Variants in SMCO2 observed in about 807,000 individuals in gnomAD.
SMCO2 encodes the protein single-pass membrane protein with coiled-coil domains 2, also known as single-pass membrane and coiled-coil domain-containing protein 2.
SMCO2 carries 25 observed loss-of-function variants against 29.5 expected under a neutral mutation model. That is an observed-to-expected ratio of 0.85 (90% CI 0.62 to 1.18). The LOEUF (loss-of-function observed/expected upper bound fraction) is 1.18. Ranked by LOEUF, SMCO2 falls within the 50% of genes most tolerant of loss-of-function variation. The probability of loss-of-function intolerance (pLI) is 0.00; values close to 1 mark genes in which losing one functional copy is unlikely to be tolerated. For synonymous variants in SMCO2, 117 were observed against 123.3 expected (o/e 0.95, Z 0.34); for missense variants, 348 against 344.5 (o/e 1.01, Z -0.08).
chr12:27,501,849 G>T lies in SMCO2; in HGVS notation c.684-74G>T, dbSNP rs1943082339. 6.0e-6 allele frequency: 7 copies of T among 1,166,378 alleles called. 1 individual carries two copies. In the East Asian group the frequency reaches 1.9e-4, roughly 32 times the overall value. 72.3% of individuals were successfully genotyped at this position (1,166,378 alleles called of 1,614,324 possible). A position where few individuals can be genotyped will look rare whatever the true frequency, so the allele number is the denominator to read the frequency against. On this transcript the variant is annotated intron_variant, in intron 7 of 7. Coordinates refer to ENST00000298876, the Ensembl canonical transcript of SMCO2. ...TAGTTGAAGTTTTAGAGCTACCTGG[G>T]TGGAGGTGCCAGGAGCCTATCAATG... is the stretch of plus-strand genomic sequence containing the variant.
chr12:27,496,343 T>C (rs906267680), intron 7 of SMCO2, among the ~76,000 whole-genome samples: 1 of 150,584 alleles, frequency 6.6e-6, no homozygotes, highest in Non-Finnish European at 1.5e-5. Flanking sequence ...TAAAGATTTG[T>C]CTATGTATAG....
chr12:27,471,447 A>G (rs1463498552), intron 2 of SMCO2, among the ~76,000 whole-genome samples: 1 of 152,086 alleles, frequency 6.6e-6, no homozygotes, highest in Non-Finnish European at 1.5e-5. Context: ...AACCCTGACA[A>G]CACCTCCACC....
At chr12:27,462,510 G>A (rs558085598), upstream of SMCO2, among the ~76,000 whole-genome samples, 118 of 152,288 alleles carry the variant, frequency 7.7e-4, no homozygotes, top group African/African-American at 2.6e-3. Context: ...CCTCCAGACA[G>A]TCATTTCTCT....
At chr12:27,442,822 A>G in the SMCO2 span, among the ~76,000 whole-genome samples, 95 of 152,246 alleles carry the variant, frequency 6.2e-4, no homozygotes, top group Non-Finnish European at 3.2e-4. Flanking sequence ...AGGTCTCACT[A>G]TGTTGCCCAG....
chr12:27,431,751 T>G, the SMCO2 span, among the ~76,000 whole-genome samples: 1 of 152,230 alleles, frequency 6.6e-6, no homozygotes, highest in Non-Finnish European at 1.5e-5. Flanking sequence ...TTCAATTCTT[T>G]GGACATATAC....
At position 27,494,422 on chromosome 12, in the gene SMCO2, T is replaced by A. The variant is rs1942970896; in HGVS notation, c.507+66T>A. 3 of 1,112,364 alleles carry A rather than the reference T, an allele frequency of 2.7e-6. No homozygotes were observed. In the African/African-American group the frequency reaches 4.9e-5, roughly 18 times the overall value. 68.9% of individuals were successfully genotyped at this position (1,112,364 alleles called of 1,614,324 possible). On this transcript the variant is annotated intron_variant, in intron 6 of 7. Coordinates refer to ENST00000298876, the Ensembl canonical transcript of SMCO2. ...GATAATTTATGTCTAAATACAGGGG[T>A]CATTCATTGCCTAGAATATGACGGT... is the stretch of plus-strand genomic sequence containing the variant.
At chr12:27,499,941 G>A (rs907778454) in intron 7 of SMCO2, among the ~76,000 whole-genome samples, 5 of 150,234 alleles carry the variant, frequency 3.3e-5, no homozygotes, top group African/African-American at 1.2e-4. Flanking sequence ...CATCCCCTAT[G>A]TACTGACCAT....
intron 5 of SMCO2, among the ~76,000 whole-genome samples, chr12:27,489,778 C>A (rs1346236336): frequency 2.0e-5 from 3 of 151,952 alleles, no homozygotes; most frequent in Non-Finnish European, 4.4e-5. Context: ...TTGGAAATTG[C>A]AAACTATAAA....
chr12:27,493,130 A>G (rs1165245139), intron 5 of SMCO2, among the ~76,000 whole-genome samples: 2 of 152,196 alleles, frequency 1.3e-5, no homozygotes, highest in Non-Finnish European at 2.9e-5. Context: ...GAGCCAAATG[A>G]TGAGAATTTA....
the SMCO2 span, among the ~76,000 whole-genome samples, chr12:27,455,967 C>T: frequency 4.6e-5 from 7 of 152,344 alleles, no homozygotes; most frequent in African/African-American, 7.2e-5. Flanking sequence ...CCCAGCACTT[C>T]GGGAGGCCGA....
the SMCO2 span, among the ~76,000 whole-genome samples, chr12:27,431,759 T>C: frequency 2.0e-5 from 3 of 152,218 alleles, no homozygotes; most frequent in Admixed American, 6.5e-5. Flanking sequence ...TTTGGACATA[T>C]ACCCAGAAGT....
intron 5 of SMCO2, among the ~76,000 whole-genome samples, chr12:27,492,140 T>C (rs992379709): frequency 6.6e-6 from 1 of 152,252 alleles, no homozygotes; most frequent in African/African-American, 2.4e-5. Flanking sequence ...TATACATACA[T>C]TTACACATTG....
chr12:27,483,007 G>A (rs1949658601), intron 4 of SMCO2, among the ~76,000 whole-genome samples: 1 of 152,214 alleles, frequency 6.6e-6, no homozygotes, highest in African/African-American at 2.4e-5. Context: ...GATTACTGGT[G>A]TTAACCACCG....
At chr12:27,488,480 C>A in exon 5 of SMCO2, 1 of 1,537,468 alleles carries the variant, frequency 6.5e-7, no homozygotes, top group South Asian at 1.2e-5. Context: ...GACATGCTGA[C>A]CCTGAAGGGT....
At chr12:27,487,642 A>G (rs147314189) in intron 4 of SMCO2, among the ~76,000 whole-genome samples, 124 of 152,338 alleles carry the variant, frequency 8.1e-4, no homozygotes, top group African/African-American at 2.8e-3. Flanking sequence ...ACTGCCAAAC[A>G]GTGTTCCAGA....
At position 27,468,806 on chromosome 12, in the gene SMCO2, G is replaced by A. The variant is rs557910586; in HGVS notation, c.-10-1816G>A. Reference sequence around the variant, plus strand: ...TAAGTAAATCACATCATCTCCCATAGGCTCCGTTAATACACACATAAAATG... The same window carrying A: ...TAAGTAAATCACATCATCTCCCATAAGCTCCGTTAATACACACATAAAATG... On this transcript the variant is annotated intron_variant, in intron 1 of 7. Transcript: ENST00000298876. 1.6e-4 allele frequency among the ~76,000 whole-genome samples: 25 copies of A among 152,266 alleles called. 1 individual carries two copies. The highest frequency in any genetic ancestry group is 5.5e-4 in the African/African-American group (23 of 41,556).
At chr12:27,493,219 A>C (rs1282880518) in intron 5 of SMCO2, among the ~76,000 whole-genome samples, 1 of 152,142 alleles carries the variant, frequency 6.6e-6, no homozygotes, top group Non-Finnish European at 1.5e-5. Context: ...AGAAGGGGTA[A>C]CTGTTGGCTA....
the SMCO2 span, among the ~76,000 whole-genome samples, chr12:27,457,637 A>G: frequency 0.72 from 109,893 of 152,104 alleles, 39,876 homozygotes; most frequent in Middle Eastern, 0.85. Flanking sequence ...GGTTTCAGGC[A>G]ACGTGTGGGC....
the SMCO2 span, among the ~76,000 whole-genome samples, chr12:27,456,468 G>T: frequency 1.3e-5 from 2 of 152,094 alleles, no homozygotes; most frequent in Non-Finnish European, 1.5e-5. Context: ...AGAGGGGGGA[G>T]GAATGGGGTC....
Sources: allele counts gnomAD v4.1 joint callset (sites outside exome capture counted in the v4.1 genomes callset), GRCh38; gene constraint gnomAD v4.1.1; transcripts MANE v1.5; gene names NCBI Gene and HGNC (gene_info 2026-07-23, HGNC 2026-07-21).